Variants in MEX3C observed in about 807,000 individuals in gnomAD.
MEX3C encodes the protein mex-3 RNA binding family member C, also known as RNA-binding E3 ubiquitin-protein ligase MEX3C.
Under a neutral mutation model 35.5 loss-of-function variants are expected in MEX3C, and 15 were observed. The observed-to-expected ratio is 0.42, with a 90% CI of 0.28 to 0.65. The LOEUF (loss-of-function observed/expected upper bound fraction) is 0.65. MEX3C is among the 30% of genes least tolerant of loss of function. The pLI is 0.20. For missense variants in MEX3C, 711 were observed against 842.8 expected (o/e 0.84, Z 1.94); for synonymous variants, 390 against 352.8 (o/e 1.11, Z -1.18).
At chr18:51,179,096 C>CG (rs1226876140) in intron 1 of MEX3C, among the ~76,000 whole-genome samples, 1 of 151,718 alleles carries the variant, frequency 6.6e-6, no homozygotes, top group Non-Finnish European at 1.5e-5. Flanking sequence ...CTCCACCTCC[C>CG]GGGTTCCAGT....
In MEX3C at chr18:51,176,684, A is replaced by C; in HGVS notation, c.1647T>G (p.Pro549=). 6.2e-7 allele frequency: 1 copy of C among 1,614,036 alleles called. No individual in the cohort carries two copies. The highest frequency in any genetic ancestry group is 8.5e-7 in the Non-Finnish European group (1 of 1,179,886). ...GAGCAAGTGGATGTTCTATGCTCTC[A>C]GGAAATGTAGGAGACAGACGAGGAG... ...PSTPRLSPTF[P]ESIEHPLARR... is the part of the protein sequence containing the mutation. The change falls in exon 2 of 2, where the codon CCT becomes CCG. Residue 549 remains proline (P), a synonymous_variant. Transcript: ENST00000406189.
At chr18:51,181,035 AAAAC>A (rs1912416675) in intron 1 of MEX3C, among the ~76,000 whole-genome samples, 1 of 152,208 alleles carries the variant, frequency 6.6e-6, no homozygotes, top group Admixed American at 6.5e-5. Context: ...CTAAAGGAGA[AAAAC>A]AATCTTGTTT....
At chr18:51,186,638 G>A (rs562812436) in intron 1 of MEX3C, among the ~76,000 whole-genome samples, 7 of 152,286 alleles carry the variant, frequency 4.6e-5, no homozygotes, top group Admixed American at 3.3e-4. Context: ...GTTAAGACTA[G>A]TGGGTGCATA....
At chr18:51,178,582 AGCTAGGT>A (rs1912353545) in intron 1 of MEX3C, among the ~76,000 whole-genome samples, 1 of 152,124 alleles carries the variant, frequency 6.6e-6, no homozygotes, top group Non-Finnish European at 1.5e-5. Context: ...AAAATAAAGA[AGCTAGGT>A]GCTGTAATCC....
In MEX3C at chr18:51,177,302, T is replaced by C; in HGVS notation, c.1029A>G (p.Gly343=). The change falls in exon 2 of 2, where the codon GGA becomes GGG. Residue 343 remains glycine (G), a synonymous_variant. Coordinates refer to ENST00000406189, the MANE Select transcript of MEX3C (RefSeq NM_016626.5). The surrounding 1 kb of genome is among the most constrained non-coding windows in gnomAD (Gnocchi z 4.2). ...TTCTTTTAATAGTTGCTCCTTTGGG[T>C]CCAACCACTAATCCTACCACACGAT... The part of the protein sequence containing the change: ...VPYRVVGLVV[G]PKGATIKRIQ... The C allele has an allele frequency of 6.2e-7, 1 of 1,613,992 alleles. No homozygotes were observed. Among genetic ancestry groups the C allele is most frequent in the Non-Finnish European group, 8.5e-7 (1 of 1,179,896 alleles).
intron 1 of MEX3C, among the ~76,000 whole-genome samples, chr18:51,187,907 A>G (rs914150293): frequency 2.0e-5 from 3 of 152,204 alleles, no homozygotes; most frequent in African/African-American, 7.2e-5. Flanking sequence ...GTGTTACAGT[A>G]AATATGGAAT....
intron 1 of MEX3C, among the ~76,000 whole-genome samples, chr18:51,181,321 C>G (rs1311836174): frequency 7.6e-6 from 1 of 131,490 alleles, no homozygotes; most frequent in Non-Finnish European, 1.8e-5. Context: ...CACACATACA[C>G]GCATGCACAC....
At chr18:51,188,208 A>G (rs901240457) in intron 1 of MEX3C, among the ~76,000 whole-genome samples, 1 of 152,192 alleles carries the variant, frequency 6.6e-6, no homozygotes, top group Non-Finnish European at 1.5e-5. Flanking sequence ...TAGTTTCATT[A>G]TCAGTATTCA....
chr18:51,197,524 G>A lies in MEX3C; in HGVS notation c.-204C>T, dbSNP rs1337859116. ...CGGGGTGGAGGGGCAGGGGAAGGAG[G>A]CAGAGGTAGGTAACTAGGTGGGTGG... On this transcript the variant is annotated 5_prime_UTR_variant, in exon 1 of 2. Coordinates refer to ENST00000406189, the MANE Select transcript of MEX3C (RefSeq NM_016626.5). Among the ~76,000 whole-genome samples the A allele has an allele frequency of 7.4e-6, 1 of 134,974 alleles. No homozygotes were observed. The highest frequency in any genetic ancestry group is 1.6e-5 in the Non-Finnish European group (1 of 62,298). The allele number at this position is 134,974 out of a possible 152,430, so 88.5% of individuals were successfully genotyped here.
intron 1 of MEX3C, among the ~76,000 whole-genome samples, chr18:51,189,778 T>C (rs1912615655): frequency 6.6e-6 from 1 of 152,208 alleles, no homozygotes; most frequent in Non-Finnish European, 1.5e-5. Flanking sequence ...TGGAATTAGA[T>C]TCATTTGTAA....
At chr18:51,190,399 A>C (rs1912626825) in intron 1 of MEX3C, among the ~76,000 whole-genome samples, 1 of 152,206 alleles carries the variant, frequency 6.6e-6, no homozygotes, top group South Asian at 2.1e-4. Flanking sequence ...GATCTTTTCT[A>C]GTTGTTTGAA....
At chr18:51,184,648 G>C (rs1912497790) in intron 1 of MEX3C, among the ~76,000 whole-genome samples, 1 of 152,048 alleles carries the variant, frequency 6.6e-6, no homozygotes, top group Non-Finnish European at 1.5e-5. Context: ...CTTGAGTTCA[G>C]GAGTTTGAAA....
chr18:51,193,729 A>C (rs369082893), intron 1 of MEX3C: 1 of 152,224 alleles, frequency 6.6e-6, no homozygotes, highest in Non-Finnish European at 1.5e-5. Context: ...ACAAATGACC[A>C]TATGCTACTG....
In MEX3C at chr18:51,175,683, C is replaced by G. The variant is rs1912284803; in HGVS notation, c.*668G>C. 6.6e-6 allele frequency: 1 copy of G among 152,584 alleles called. No individual in the cohort carries two copies. Among genetic ancestry groups the G allele is most frequent in the South Asian group, 2.1e-4 (1 of 4,824 alleles). 9.5% of individuals were successfully genotyped at this position (152,584 alleles called of 1,614,324 possible). A position where few individuals can be genotyped will look rare whatever the true frequency, so the allele number is the denominator to read the frequency against. On this transcript the variant is annotated 3_prime_UTR_variant, in exon 2 of 2. Coordinates refer to ENST00000406189, the MANE Select transcript of MEX3C (RefSeq NM_016626.5). ...CCAAGAGAGGCAATGGGCAGGAATT[C>G]ACAATTGCATTCCTGATCCACTGAT...
chr18:51,195,694 G>C (rs1912766929), intron 1 of MEX3C: 1 of 152,204 alleles, frequency 6.6e-6, no homozygotes, highest in Admixed American at 6.5e-5. Context: ...AAAAATGTCG[G>C]ATACAGAGGT....
chr18:51,181,762 C>G (rs985957746), intron 1 of MEX3C, among the ~76,000 whole-genome samples: 3 of 152,010 alleles, frequency 2.0e-5, no homozygotes, highest in African/African-American at 7.3e-5. Flanking sequence ...CCTAGGGGGA[C>G]AGGGAAGGAG....
chr18:51,185,552 G>A lies in MEX3C; in HGVS notation c.755-7976C>T, dbSNP rs183029700. ...CATATTCAGAGTTCCTGGGGAATTC[G>A]GATATGGACTTGTTGGGTGGGTGGG... On this transcript the variant is annotated intron_variant, in intron 1 of 1. Transcript: ENST00000406189. Among the ~76,000 whole-genome samples the A allele has an allele frequency of 1.6e-3, 244 of 152,234 alleles. 1 individual carries two copies. Among genetic ancestry groups the A allele is most frequent in the Middle Eastern group, 6.8e-3 (2 of 294 alleles).
intron 1 of MEX3C, among the ~76,000 whole-genome samples, chr18:51,183,263 T>G (rs1005608711): frequency 1.3e-5 from 2 of 152,346 alleles, no homozygotes; most frequent in African/African-American, 2.4e-5. Context: ...TTTTCAAGTT[T>G]TGTTTTTGTT....
intron 1 of MEX3C, chr18:51,194,339 G>C (rs932212373): frequency 6.6e-6 from 1 of 152,086 alleles, no homozygotes; most frequent in Admixed American, 6.5e-5. Flanking sequence ...GAAAATACAA[G>C]GTTTAAATGG....
Sources: gnomAD v4.1 joint callset for allele counts (sites outside exome capture counted in the v4.1 genomes callset) on GRCh38, gnomAD v4.1.1 for gene constraint, Gnocchi (gnomAD v3.1) non-coding constraint, MANE v1.5 for transcripts, NCBI Gene and HGNC (gene_info 2026-07-23, HGNC 2026-07-21) for gene names.